The following ZDHHC14 variants were observed in gnomAD, a reference collection of about 807,000 sequenced individuals.
The protein encoded by ZDHHC14 is zDHHC palmitoyltransferase 14.
In ZDHHC14, 16 loss-of-function variants were observed where a neutral mutation model predicts 47.7. The observed-to-expected ratio is 0.34, with a 90% CI of 0.23 to 0.51. The LOEUF is 0.51. Among genes scored for constraint, ZDHHC14 ranks in the 20% least tolerant of loss-of-function variants. The pLI is 0.97. For missense variants in ZDHHC14, 515 were observed against 662.5 expected (o/e 0.78, Z 2.44); for synonymous variants, 293 against 278.9 (o/e 1.05, Z -0.50).
intron 8 of ZDHHC14, among the ~76,000 whole-genome samples, chr6:157,662,304 C>G (rs1778379733): frequency 6.6e-6 from 1 of 152,108 alleles, no homozygotes; most frequent in Non-Finnish European, 1.5e-5. Flanking sequence ...GCCTCAGACC[C>G]CCACATGGCT....
intron 1 of ZDHHC14, among the ~76,000 whole-genome samples, chr6:157,433,255 T>C (rs1194459196): frequency 1.3e-5 from 2 of 152,260 alleles, no homozygotes; most frequent in East Asian, 1.9e-4. Flanking sequence ...TTATAATTAA[T>C]TGCTTTGATT....
chr6:157,620,634 G>C (rs554281333), intron 3 of ZDHHC14, among the ~76,000 whole-genome samples: 105 of 152,332 alleles, frequency 6.9e-4, no homozygotes, highest in African/African-American at 2.5e-3. Flanking sequence ...TTGTGCTGCA[G>C]AGTCCCAAGG....
chr6:157,673,045 C>A lies in ZDHHC14; in HGVS notation c.1390C>A (p.His464Asn). The change falls in exon 9 of 9, where the codon CAC becomes AAC. Residue 464 changes from histidine to asparagine, a missense_variant. Transcript: ENST00000359775. This position sits in a 1 kb window ranked among gnomAD's most constrained non-coding sequence, Gnocchi z 5.4. ...CCCCCTGGCGCACAGCCGCACCATG[C>A]ACGTGCTGGGCCTGGCCAGCCAGGA... ...GSPLAHSRTM[H>N]VLGLASQDSL... 6.4e-7 allele frequency: 1 copy of A among 1,566,980 alleles called. No homozygotes were observed. The highest frequency in any genetic ancestry group is 8.6e-7 in the Non-Finnish European group (1 of 1,163,486).
chr6:157,632,092 G>T (rs1785770404), intron 4 of ZDHHC14: 1 of 152,274 alleles, frequency 6.6e-6, no homozygotes, highest in Non-Finnish European at 1.5e-5. Context: ...GTGGTCAGAT[G>T]CCACAGGGAC....
intron 1 of ZDHHC14, among the ~76,000 whole-genome samples, chr6:157,510,074 A>G (rs531423631): frequency 6.6e-6 from 1 of 152,244 alleles, no homozygotes; most frequent in African/African-American, 2.4e-5. Context: ...GTGAAACCCC[A>G]TCTCTACTAA....
chr6:157,615,130 T>G (rs1784915699), intron 3 of ZDHHC14, among the ~76,000 whole-genome samples: 1 of 152,162 alleles, frequency 6.6e-6, no homozygotes, highest in Non-Finnish European at 1.5e-5. Flanking sequence ...CCCCCGACAT[T>G]CCATAGCCGG....
At chr6:157,496,415 G>A (rs138272939) in intron 1 of ZDHHC14, among the ~76,000 whole-genome samples, 26,477 of 152,054 alleles carry the variant, frequency 0.17, 3,459 homozygotes, top group African/African-American at 0.36. Context: ...TCCCCAAAAA[G>A]ATATGTTGGA....
At chr6:157,656,989 A>AGT (rs1185560470) in intron 8 of ZDHHC14, among the ~76,000 whole-genome samples, 7 of 151,882 alleles carry the variant, frequency 4.6e-5, no homozygotes, top group Non-Finnish European at 8.8e-5. Flanking sequence ...TGCATACCTG[A>AGT]GTGTAGGTGG....
At chr6:157,606,730 C>T (rs1459295600) in intron 3 of ZDHHC14, among the ~76,000 whole-genome samples, 4 of 152,174 alleles carry the variant, frequency 2.6e-5, no homozygotes, top group East Asian at 3.9e-4. Flanking sequence ...GTCTCACCCG[C>T]GGTCAAGAAC....
intron 1 of ZDHHC14, among the ~76,000 whole-genome samples, chr6:157,486,000 G>A (rs1779771052): frequency 6.6e-6 from 1 of 152,220 alleles, no homozygotes; most frequent in African/African-American, 2.4e-5. Context: ...GTGACAGAGT[G>A]AAACTCGGTG....
intron 3 of ZDHHC14, among the ~76,000 whole-genome samples, chr6:157,593,871 T>C (rs1483170272): frequency 6.6e-6 from 1 of 152,190 alleles, no homozygotes; most frequent in Admixed American, 6.5e-5. Context: ...TGGCTGGAGC[T>C]GCCTAGAGAT....
intron 2 of ZDHHC14, among the ~76,000 whole-genome samples, chr6:157,570,402 G>A (rs1241923759): frequency 6.6e-6 from 1 of 152,200 alleles, no homozygotes; most frequent in Admixed American, 6.5e-5. Context: ...CAGAAATTAT[G>A]TACCACAAAG....
chr6:157,608,729 C>T (rs1193066805), intron 3 of ZDHHC14, among the ~76,000 whole-genome samples: 1 of 152,176 alleles, frequency 6.6e-6, no homozygotes, highest in East Asian at 1.9e-4. Context: ...TATCTGAGGA[C>T]AAGAGACAAA....
rs556574380 is a variant in ZDHHC14 at position 157,502,945 on chromosome 6, C to T, written c.246-39640C>T. ...TCCTCAAGTGATCAACTTGCCTTGG[C>T]TTCCCAAAGTATTGGAATTACAGGC... On this transcript the variant is annotated intron_variant, in intron 1 of 8. Coordinates refer to ENST00000359775, the MANE Select transcript of ZDHHC14 (RefSeq NM_024630.3). The surrounding 1 kb of genome is among the most constrained non-coding windows in gnomAD (Gnocchi z 4.0). 1.3e-5 allele frequency among the ~76,000 whole-genome samples: 2 copies of T among 152,300 alleles called. No homozygotes were observed. Among genetic ancestry groups the T allele is most frequent in the Non-Finnish European group, 2.9e-5 (2 of 68,016 alleles).
chr6:157,666,341 C>T (rs1305963621), intron 8 of ZDHHC14, among the ~76,000 whole-genome samples: 2 of 152,056 alleles, frequency 1.3e-5, no homozygotes, highest in Admixed American at 6.5e-5. Flanking sequence ...AAGATTAAAC[C>T]AGCAGTTGCA....
At chr6:157,460,952 C>T (rs1779067654) in intron 1 of ZDHHC14, among the ~76,000 whole-genome samples, 1 of 152,118 alleles carries the variant, frequency 6.6e-6, no homozygotes, top group South Asian at 2.1e-4. Context: ...TCTATTTTTT[C>T]CTGTATAGGA....
intron 1 of ZDHHC14, among the ~76,000 whole-genome samples, chr6:157,473,822 T>C (rs912679922): frequency 2.0e-5 from 3 of 152,144 alleles, no homozygotes; most frequent in Non-Finnish European, 2.9e-5. Context: ...GTGTAAGGTG[T>C]GTATGAAACA....
chr6:157,413,840 T>C (rs1777919362), intron 1 of ZDHHC14, among the ~76,000 whole-genome samples: 1 of 152,130 alleles, frequency 6.6e-6, no homozygotes, highest in Non-Finnish European at 1.5e-5. Flanking sequence ...TTACAAGGTG[T>C]CTGTTGAATG....
At chr6:157,400,382 A>G (rs1481005492) in intron 1 of ZDHHC14, among the ~76,000 whole-genome samples, 5 of 152,144 alleles carry the variant, frequency 3.3e-5, no homozygotes, top group Non-Finnish European at 1.5e-5. Flanking sequence ...TGCACCCTGT[A>G]CCTCCAAACA....
Sources: gnomAD v4.1 joint callset for allele counts (sites outside exome capture counted in the v4.1 genomes callset) on GRCh38, gnomAD v4.1.1 for gene constraint, Gnocchi (gnomAD v3.1) non-coding constraint, MANE v1.5 for transcripts, NCBI Gene and HGNC (gene_info 2026-07-23, HGNC 2026-07-21) for gene names.